Variants in EBF3 observed in about 807,000 individuals in gnomAD.
EBF3 encodes EBF transcription factor 3, also known as transcription factor COE3.
In EBF3, 18 loss-of-function variants were observed where a neutral mutation model predicts 77.1. The observed-to-expected ratio is 0.23, with a 90% CI of 0.16 to 0.35. EBF3 has a LOEUF of 0.35. Ranked by LOEUF, EBF3 falls within the 10% of genes least tolerant of loss-of-function variation. The probability of loss-of-function intolerance (pLI) is 1.00; values close to 1 mark genes in which losing one functional copy is unlikely to be tolerated. For synonymous variants in EBF3, 350 were observed against 343.5 expected (o/e 1.02, Z -0.21); for missense variants, 558 against 860.0 (o/e 0.65, Z 4.39).
At chr10:129,851,084 T>C (rs1335840091) in intron 10 of EBF3, among the ~76,000 whole-genome samples, 1 of 152,252 alleles carries the variant, frequency 6.6e-6, no homozygotes, top group African/African-American at 2.4e-5. Context: ...AGAGATTGCC[T>C]GACCTTTCAC....
chr10:129,942,388 G>T (rs1050351697), intron 6 of EBF3, among the ~76,000 whole-genome samples: 9 of 152,184 alleles, frequency 5.9e-5, no homozygotes, highest in African/African-American at 2.2e-4. Context: ...GAATACTGAC[G>T]CTGGGGGAAA....
chr10:129,909,762 A>G (rs11593412), intron 6 of EBF3, among the ~76,000 whole-genome samples: 67,679 of 152,110 alleles, frequency 0.44, 15,809 homozygotes, highest in South Asian at 0.51. Context: ...TCAGCCGCCA[A>G]GGCCCTGGGG....
rs1046012602 is a variant in EBF3 at position 129,837,853 on chromosome 10, T to C, written c.*90A>G. The C allele has an allele frequency of 6.4e-7, 1 of 1,552,648 alleles. No homozygotes were observed. The highest frequency in any genetic ancestry group is 8.9e-7 in the Non-Finnish European group (1 of 1,127,872). ...TTTGAAGATACTGTTTCCATCAGCA[T>C]GTCTTAATATACTAAACGTGTCCCC... On this transcript the variant is annotated 3_prime_UTR_variant, in exon 17 of 17. Coordinates refer to ENST00000440978, the MANE Select transcript of EBF3 (RefSeq NM_001375380.1).
chr10:129,839,260 G>C, intron 15 of EBF3, 65 bp from the exon 16 acceptor site: 2 of 768,634 alleles, frequency 2.6e-6, no homozygotes, highest in South Asian at 1.4e-5. Flanking sequence ...AGGAGTAACT[G>C]GATTTGAGTC....
At position 129,944,080 on chromosome 10, in the gene EBF3, G is replaced by C. The variant is rs1013853840; in HGVS notation, c.554+13178C>G. On this transcript the variant is annotated intron_variant, in intron 6 of 16. Transcript: ENST00000440978. This position sits in a 1 kb window ranked among gnomAD's most constrained non-coding sequence, Gnocchi z 5.1. ...ATCCATTTTTTACACCGTGGGAAAA[G>C]AAAAATATCACCGTTCTAGTAATCA... 7.2e-5 allele frequency among the ~76,000 whole-genome samples: 11 copies of C among 152,222 alleles called. No homozygotes were observed. Among genetic ancestry groups the C allele is most frequent in the African/African-American group, 2.6e-4 (11 of 41,536 alleles).
Position 129,837,742 on chromosome 10 carries a change from G to C in EBF3, c.*201C>G. The C allele has an allele frequency of 3.2e-6, 2 of 625,674 alleles. No individual in the cohort carries two copies. The highest frequency in any genetic ancestry group is 4.1e-5 in the South Asian group (2 of 48,208). 38.8% of individuals were successfully genotyped at this position (625,674 alleles called of 1,614,324 possible). On this transcript the variant is annotated 3_prime_UTR_variant, in exon 17 of 17. Coordinates refer to ENST00000440978, the MANE Select transcript of EBF3 (RefSeq NM_001375380.1). ...ATAAAATGGAATTGTTCATGAAGAAGTAGGCTGTTTGCATGTTGATTCTTA... is the reference window on the plus strand; with the variant it reads ...ATAAAATGGAATTGTTCATGAAGAACTAGGCTGTTTGCATGTTGATTCTTA...
rs1308673774 is a variant in EBF3 at position 129,947,387 on chromosome 10, G to A, written c.554+9871C>T. Among the ~76,000 whole-genome samples the A allele has an allele frequency of 6.6e-6, 1 of 152,086 alleles. No individual in the cohort carries two copies. Among genetic ancestry groups the A allele is most frequent in the Non-Finnish European group, 1.5e-5 (1 of 68,026 alleles). On this transcript the variant is annotated intron_variant, in intron 6 of 16. Transcript: ENST00000440978. This position sits in a 1 kb window ranked among gnomAD's most constrained non-coding sequence, Gnocchi z 4.5. ...TTTACTGTCAGCAATGGCTAAAGCT[G>A]GCCTAACATTTTGTTTGGCAATTAG...
In EBF3 at chr10:129,944,071, G is replaced by A. The variant is rs551455165; in HGVS notation, c.554+13187C>T. On this transcript the variant is annotated intron_variant, in intron 6 of 16. Coordinates refer to ENST00000440978, the MANE Select transcript of EBF3 (RefSeq NM_001375380.1). The surrounding 1 kb of genome is among the most constrained non-coding windows in gnomAD (Gnocchi z 5.1). The stretch of plus-strand genomic sequence containing the variant: ...TATGTTTTAATCCATTTTTTACACC[G>A]TGGGAAAAGAAAAATATCACCGTTC... Among the ~76,000 whole-genome samples the A allele has an allele frequency of 2.1e-4, 32 of 152,104 alleles. No homozygotes were observed. The highest frequency in any genetic ancestry group is 1.5e-3 in the South Asian group (7 of 4,824).
chr10:129,865,576 C>T (rs555536882), intron 10 of EBF3, among the ~76,000 whole-genome samples: 2 of 152,286 alleles, frequency 1.3e-5, no homozygotes, highest in Admixed American at 1.3e-4. Flanking sequence ...ATCCTAACCA[C>T]ATGGAGAGTG....
chr10:129,840,540 C>T (rs1380974622), intron 14 of EBF3, 98 bp from the exon 15 acceptor site: 21 of 1,362,864 alleles, frequency 1.5e-5, no homozygotes, highest in Admixed American at 4.3e-5. Context: ...GGCAGGGGCA[C>T]GAAAACAAAA....
intron 6 of EBF3, among the ~76,000 whole-genome samples, chr10:129,892,850 C>A (rs1358204099): frequency 6.6e-6 from 1 of 152,232 alleles, no homozygotes; most frequent in African/African-American, 2.4e-5. Context: ...TCTGTGACAA[C>A]GCACTTGAAC....
At chr10:129,957,208 T>A (rs775032017) in intron 6 of EBF3, 50 bp downstream of exon 6, 10 of 1,534,186 alleles carry the variant, frequency 6.5e-6, no homozygotes, top group Non-Finnish European at 8.9e-6. Flanking sequence ...AGGCAAAACG[T>A]TTTGTTGCTG....
chr10:129,943,261 A>G lies in EBF3; in HGVS notation c.554+13997T>C, dbSNP rs1857916968. Among the ~76,000 whole-genome samples the G allele has an allele frequency of 6.6e-6, 1 of 152,246 alleles. No homozygotes were observed. ...GGCTCTCCACAAACAAATAAACAGC[A>G]AATACTTACAGGAGACAGCCTTGTA... is the stretch of plus-strand genomic sequence containing the variant. On this transcript the variant is annotated intron_variant, in intron 6 of 16. Transcript: ENST00000440978. This position sits in a 1 kb window ranked among gnomAD's most constrained non-coding sequence, Gnocchi z 8.8.
intron 6 of EBF3, among the ~76,000 whole-genome samples, chr10:129,894,029 A>T (rs1854200837): frequency 2.0e-5 from 3 of 152,316 alleles, no homozygotes; most frequent in Non-Finnish European, 4.4e-5. Flanking sequence ...CACAGGCAGA[A>T]TAATTTCGGT....
intron 6 of EBF3, among the ~76,000 whole-genome samples, chr10:129,880,791 T>A (rs947819554): frequency 6.6e-6 from 1 of 152,214 alleles, no homozygotes; most frequent in African/African-American, 2.4e-5. Flanking sequence ...GCTCTGCGCT[T>A]ACCTCTTACC....
intron 10 of EBF3, among the ~76,000 whole-genome samples, chr10:129,850,513 C>T (rs909405991): frequency 2.0e-5 from 3 of 152,152 alleles, no homozygotes; most frequent in African/African-American, 4.8e-5. Flanking sequence ...ATTGGAAGTT[C>T]GGATGTGAGG....
rs775021276 is a variant in EBF3 at position 129,963,326 on chromosome 10, T to A, written c.291+41A>T. 9 of 1,554,530 alleles carry A rather than the reference T, an allele frequency of 5.8e-6. No homozygotes were observed. Among genetic ancestry groups the A allele is most frequent in the African/African-American group, 1.4e-5 (1 of 70,340 alleles). On this transcript the variant is annotated intron_variant, in intron 2 of 16. Transcript: ENST00000440978. This position sits in a 1 kb window ranked among gnomAD's most constrained non-coding sequence, Gnocchi z 7.1. Reference sequence around the variant, plus strand: ...CGCACCGGCACCGCCTGCCTCCCGCTTCTAGAAAGAGAGAGGGTGTGATCG... The same window carrying A: ...CGCACCGGCACCGCCTGCCTCCCGCATCTAGAAAGAGAGAGGGTGTGATCG...
chr10:129,935,826 T>C lies in EBF3; in HGVS notation c.554+21432A>G, dbSNP rs74162529. On this transcript the variant is annotated intron_variant, in intron 6 of 16. Coordinates refer to ENST00000440978, the MANE Select transcript of EBF3 (RefSeq NM_001375380.1). This position sits in a 1 kb window ranked among gnomAD's most constrained non-coding sequence, Gnocchi z 4.2. ...AAAGCCAAGGGCATAGAATGTGGGC[T>C]GGGGACAGGAGAGGCCAAGACACCA... is the stretch of plus-strand genomic sequence containing the variant. 6.9e-4 allele frequency among the ~76,000 whole-genome samples: 105 copies of C among 152,234 alleles called. No individual in the cohort carries two copies. The highest frequency in any genetic ancestry group is 2.5e-3 in the African/African-American group (102 of 41,560).
intron 6 of EBF3, among the ~76,000 whole-genome samples, chr10:129,925,106 G>A (rs564725739): frequency 9.9e-5 from 15 of 150,986 alleles, no homozygotes; most frequent in Admixed American, 4.0e-4. Context: ...GTGTGTGTGC[G>A]TGTGTACGGT....
Sources: allele counts gnomAD v4.1 joint callset (sites outside exome capture counted in the v4.1 genomes callset), GRCh38; gene constraint gnomAD v4.1.1; non-coding constraint Gnocchi (gnomAD v3.1); transcripts MANE v1.5; gene names NCBI Gene and HGNC (gene_info 2026-07-23, HGNC 2026-07-21).